SEPTIN7: variants seen among roughly 807,000 people sequenced by gnomAD.
The protein encoded by SEPTIN7 is septin 7.
A neutral mutation model predicts 63.3 loss-of-function variants in SEPTIN7; 10 were observed. That is an observed-to-expected ratio of 0.16 (90% CI 0.10 to 0.27). SEPTIN7 has a LOEUF of 0.27. SEPTIN7 is among the 10% of genes least tolerant of loss of function. SEPTIN7 has a pLI of 1.00. For missense variants in SEPTIN7, 310 were observed against 521.0 expected (o/e 0.59, Z 3.94); for synonymous variants, 131 against 165.3 (o/e 0.79, Z 1.59).
chr7:35,891,812 G>T (rs1006486805), intron 11 of SEPTIN7, among the ~76,000 whole-genome samples: 1 of 151,870 alleles, frequency 6.6e-6, no homozygotes, highest in African/African-American at 2.4e-5. Context: ...AAACTTTTTG[G>T]TTCTTTTGTA....
intron 3 of SEPTIN7, among the ~76,000 whole-genome samples, chr7:35,857,298 T>G (rs1346972025): frequency 6.6e-6 from 1 of 152,200 alleles, no homozygotes; most frequent in African/African-American, 2.4e-5. Flanking sequence ...AATTATTTTT[T>G]TCTTGGCCAA....
intron 12 of SEPTIN7, chr7:35,902,842 T>G (rs1218115837): frequency 5.2e-5 from 3 of 58,140 alleles, no homozygotes; most frequent in Non-Finnish European, 2.5e-5. Flanking sequence ...GTTTGTTGCT[T>G]TTTTTTTTTT....
At chr7:35,915,107 G>T in the SEPTIN7 span, among the ~76,000 whole-genome samples, 1 of 135,610 alleles carries the variant, frequency 7.4e-6, no homozygotes, top group Admixed American at 7.7e-5. Flanking sequence ...ATGTACACAG[G>T]TGCATGTATA....
chr7:35,888,046 A>G (rs1787376457), intron 10 of SEPTIN7, among the ~76,000 whole-genome samples: 1 of 152,240 alleles, frequency 6.6e-6, no homozygotes, highest in African/African-American at 2.4e-5. Context: ...AAACCAAGGA[A>G]GACGATGGAA....
chr7:35,912,354 G>A, the SEPTIN7 span, among the ~76,000 whole-genome samples: 1 of 152,222 alleles, frequency 6.6e-6, no homozygotes, highest in African/African-American at 2.4e-5. Flanking sequence ...GCATGTTCCT[G>A]CTGCAGATAA....
At chr7:35,870,083 T>C in intron 4 of SEPTIN7, among the ~76,000 whole-genome samples, 1 of 152,214 alleles carries the variant, frequency 6.6e-6, no homozygotes, top group East Asian at 1.9e-4. Context: ...TACAGTCGGA[T>C]CCTGTGAATG....
chr7:35,847,330 G>T, intron 3 of SEPTIN7: 1 of 162,756 alleles, frequency 6.1e-6, no homozygotes, highest in South Asian at 1.6e-4. Flanking sequence ...TGGCTTCAAG[G>T]GCCCCAGCAT....
chr7:35,869,536 A>G (rs537484556), intron 4 of SEPTIN7, among the ~76,000 whole-genome samples: 1 of 152,228 alleles, frequency 6.6e-6, no homozygotes, highest in Admixed American at 6.5e-5. Context: ...GAAAATTTTA[A>G]CCCTCTCTTC....
intron 1 of SEPTIN7, among the ~76,000 whole-genome samples, chr7:35,804,407 A>C (rs2115631770): frequency 6.6e-6 from 1 of 152,358 alleles, no homozygotes; most frequent in East Asian, 1.9e-4. Context: ...CCAAAGAGGC[A>C]GCTTGGCTGG....
chr7:35,865,297 G>A (rs191533347), intron 4 of SEPTIN7, among the ~76,000 whole-genome samples: 31 of 152,216 alleles, frequency 2.0e-4, no homozygotes, highest in Admixed American at 7.2e-4. Flanking sequence ...TTTCTTCTGT[G>A]TGCTCACTGT....
intron 1 of SEPTIN7, among the ~76,000 whole-genome samples, chr7:35,822,145 T>C (rs1416255020): frequency 1.3e-5 from 2 of 152,090 alleles, no homozygotes; most frequent in East Asian, 3.9e-4. Flanking sequence ...TGTAGCACCA[T>C]CCTGGCTCAC....
intron 3 of SEPTIN7, among the ~76,000 whole-genome samples, chr7:35,841,838 TG>T (rs1355471427): frequency 6.6e-6 from 1 of 152,220 alleles, no homozygotes; most frequent in Non-Finnish European, 1.5e-5. Context: ...CAAGGAAGAC[TG>T]CTCTTTCTTT....
At chr7:35,901,584 T>C (rs373092940) in intron 12 of SEPTIN7, 1 of 152,260 alleles carries the variant, frequency 6.6e-6, no homozygotes, top group Admixed American at 6.5e-5. Context: ...AAGAGTGAGA[T>C]TGTGACCTGT....
intron 1 of SEPTIN7, among the ~76,000 whole-genome samples, chr7:35,818,766 T>C (rs997076608): frequency 6.6e-6 from 1 of 151,984 alleles, no homozygotes; most frequent in Non-Finnish European, 1.5e-5. Context: ...AGCATGGAAT[T>C]AATTGTTCAT....
intron 11 of SEPTIN7, among the ~76,000 whole-genome samples, chr7:35,896,348 CA>C (rs1787959361): frequency 6.6e-6 from 1 of 152,124 alleles, no homozygotes; most frequent in African/African-American, 2.4e-5. Context: ...TTAAGGTTAG[CA>C]ATCACAAAAT....
At position 35,832,758 on chromosome 7, in the gene SEPTIN7, G is replaced by A. The variant is rs748857256; in HGVS notation, c.67-40G>A. On this transcript the variant is annotated intron_variant, in intron 2 of 13. Transcript: ENST00000350320. ...TTTGAAAGTGTGATTGAATAGTACTGTTGATACATGAATAACTTGGCCCTT... is the reference window on the plus strand; with the variant it reads ...TTTGAAAGTGTGATTGAATAGTACTATTGATACATGAATAACTTGGCCCTT... 7 of 1,070,850 alleles carry A rather than the reference G, an allele frequency of 6.5e-6. No homozygotes were observed. The South Asian group carries it at 7.5e-5, about 11-fold the overall frequency. The allele number at this position is 1,070,850 out of a possible 1,614,324, so 66.3% of individuals were successfully genotyped here. A position where few individuals can be genotyped will look rare whatever the true frequency, so the allele number is the denominator to read the frequency against.
At chr7:35,911,909 G>A (rs1327803708), downstream of SEPTIN7, among the ~76,000 whole-genome samples, 1 of 152,152 alleles carries the variant, frequency 6.6e-6, no homozygotes, top group Non-Finnish European at 1.5e-5. Flanking sequence ...GTGCTTAAAG[G>A]AGCTGCAGAC....
At chr7:35,883,869 A>G in intron 8 of SEPTIN7, 22 bp from the exon 9 acceptor site, 1 of 1,438,096 alleles carries the variant, frequency 7.0e-7, no homozygotes, top group South Asian at 1.2e-5. Context: ...ATGTATTTGA[A>G]CAAGAATACT....
the SEPTIN7 span, among the ~76,000 whole-genome samples, chr7:35,915,635 T>C: frequency 5.3e-5 from 8 of 152,174 alleles, no homozygotes; most frequent in Admixed American, 4.6e-4. Flanking sequence ...TTTTGTTTGC[T>C]CTCCTTCCAG....
Sources: allele counts gnomAD v4.1 joint callset (sites outside exome capture counted in the v4.1 genomes callset), GRCh38; gene constraint gnomAD v4.1.1; transcripts MANE v1.5; gene names NCBI Gene and HGNC (gene_info 2026-07-23, HGNC 2026-07-21).